Variants in TSPAN18 observed in about 807,000 individuals in gnomAD.
TSPAN18 encodes the protein tetraspanin 18.
A neutral mutation model predicts 27.3 loss-of-function variants in TSPAN18; 14 were observed. That is an observed-to-expected ratio of 0.51 (90% CI 0.34 to 0.80). The LOEUF is 0.80. Ranked by LOEUF, TSPAN18 falls within the 30% of genes least tolerant of loss-of-function variation. The probability of loss-of-function intolerance (pLI) is 0.01; values close to 1 mark genes in which losing one functional copy is unlikely to be tolerated. For synonymous variants in TSPAN18, 143 were observed against 136.5 expected (o/e 1.05, Z -0.33); for missense variants, 268 against 323.9 (o/e 0.83, Z 1.32).
chr11:44,877,847 C>T (rs1021382509), intron 3 of TSPAN18, among the ~76,000 whole-genome samples: 2 of 151,948 alleles, frequency 1.3e-5, no homozygotes, highest in Admixed American at 6.6e-5. Flanking sequence ...GAGGAGACCA[C>T]GGCTTTCTAC....
chr11:44,735,717 T>C (rs10734525), intron 1 of TSPAN18, among the ~76,000 whole-genome samples: 146,506 of 151,922 alleles, frequency 0.96, 70,762 homozygotes, highest in Non-Finnish European at 1. Context: ...CCTGGGTTCA[T>C]ACCATTCTCC....
intron 5 of TSPAN18, chr11:44,917,743 G>C (rs568703855): frequency 3.5e-6 from 2 of 569,778 alleles, no homozygotes; most frequent in Non-Finnish European, 6.2e-6. Context: ...TTGCATGGAA[G>C]GTATATATTT....
At chr11:44,821,874 T>C (rs1398257896) in intron 2 of TSPAN18, among the ~76,000 whole-genome samples, 1 of 152,224 alleles carries the variant, frequency 6.6e-6, no homozygotes, top group African/African-American at 2.4e-5. Context: ...GCTGTGCTCC[T>C]GAAAGGTGGG....
At chr11:44,837,598 A>G (rs938348194) in intron 2 of TSPAN18, among the ~76,000 whole-genome samples, 10 of 152,240 alleles carry the variant, frequency 6.6e-5, no homozygotes, top group African/African-American at 2.2e-4. Flanking sequence ...ATCAAACAGC[A>G]TGATATGCTA....
chr11:44,790,187 G>A (rs1240332079), intron 2 of TSPAN18, among the ~76,000 whole-genome samples: 2 of 151,578 alleles, frequency 1.3e-5, no homozygotes, highest in Non-Finnish European at 2.9e-5. Flanking sequence ...GTGCGCATAT[G>A]TGTGTGTGCA....
At chr11:44,863,187 G>A (rs921163093) in intron 3 of TSPAN18, among the ~76,000 whole-genome samples, 23 of 152,238 alleles carry the variant, frequency 1.5e-4, no homozygotes, top group African/African-American at 5.5e-4. Context: ...TGCAAGGCCT[G>A]TGAGCTGTGC....
chr11:44,868,227 G>C (rs930617288), intron 3 of TSPAN18, among the ~76,000 whole-genome samples: 1 of 152,178 alleles, frequency 6.6e-6, no homozygotes, highest in African/African-American at 2.4e-5. Context: ...GTCACTCTCT[G>C]TCTGAGTGCC....
At position 44,908,804 on chromosome 11, in the gene TSPAN18, A is replaced by AAGGAAGGAAGGAAGGAAGGAAGG. The variant is rs1859585190; in HGVS notation, c.64-900_64-899insGGAAGGAAGGAAGGAAGGAAGGA. Among the ~76,000 whole-genome samples, 9 of 143,582 alleles carry AAGGAAGGAAGGAAGGAAGGAAGG rather than the reference A, an allele frequency of 6.3e-5. 1 individual carries two copies. Among genetic ancestry groups the AAGGAAGGAAGGAAGGAAGGAAGG allele is most frequent in the South Asian group, 2.3e-4 (1 of 4,382 alleles). The allele number at this position is 143,582 out of a possible 152,430, so 94.2% of individuals were successfully genotyped here. On this transcript the variant is annotated intron_variant, in intron 4 of 9. Coordinates refer to ENST00000520358, the MANE Select transcript of TSPAN18 (RefSeq NM_130783.5). ...GAAAGAAAGAAAGAAAGAAAGAAAG[A>AAGGAAGGAAGGAAGGAAGGAAGG]AAGAAAGAAAGAAAGAAAGAAAGAA...
chr11:44,752,611 T>G (rs1279058810), intron 1 of TSPAN18, among the ~76,000 whole-genome samples: 1 of 152,246 alleles, frequency 6.6e-6, no homozygotes, highest in Non-Finnish European at 1.5e-5. Flanking sequence ...CATACATATA[T>G]CTCTATATAA....
intron 2 of TSPAN18, among the ~76,000 whole-genome samples, chr11:44,854,659 G>A (rs1857690003): frequency 6.6e-6 from 1 of 152,180 alleles, no homozygotes; most frequent in Non-Finnish European, 1.5e-5. Flanking sequence ...ATTAGGACTG[G>A]ATTTAATAAC....
chr11:44,879,970 C>T (rs1590621569), intron 3 of TSPAN18, among the ~76,000 whole-genome samples: 1 of 152,266 alleles, frequency 6.6e-6, no homozygotes, highest in East Asian at 1.9e-4. Context: ...TCTCCTCCAA[C>T]TGGACAGTAG....
intron 8 of TSPAN18, among the ~76,000 whole-genome samples, chr11:44,925,989 C>G (rs1860338515): frequency 6.6e-6 from 1 of 152,136 alleles, no homozygotes; most frequent in Admixed American, 6.5e-5. Flanking sequence ...CGATCTCTGT[C>G]TCTGTCTCAG....
At chr11:44,870,874 T>C (rs1858175548) in intron 3 of TSPAN18, among the ~76,000 whole-genome samples, 1 of 152,250 alleles carries the variant, frequency 6.6e-6, no homozygotes, top group Non-Finnish European at 1.5e-5. Flanking sequence ...CTCTGTCTTA[T>C]GTTAATGACT....
At chr11:44,757,881 A>T (rs987375718) in intron 1 of TSPAN18, among the ~76,000 whole-genome samples, 1 of 152,152 alleles carries the variant, frequency 6.6e-6, no homozygotes. Context: ...TTTGTGAGAT[A>T]TATGATTTGC....
At chr11:44,857,517 T>C (rs868075739) in intron 2 of TSPAN18, among the ~76,000 whole-genome samples, 1 of 152,222 alleles carries the variant, frequency 6.6e-6, no homozygotes, top group Non-Finnish European at 1.5e-5. Flanking sequence ...TGTATTCCCC[T>C]GGTTGGAGCA....
chr11:44,820,963 C>A (rs1404653290), intron 2 of TSPAN18, among the ~76,000 whole-genome samples: 1 of 152,166 alleles, frequency 6.6e-6, no homozygotes, highest in South Asian at 2.1e-4. Context: ...CATGCTTGTA[C>A]AGCCTGTAGA....
chr11:44,807,398 C>T (rs1453720763), intron 2 of TSPAN18, among the ~76,000 whole-genome samples: 2 of 110,124 alleles, frequency 1.8e-5, no homozygotes, highest in Non-Finnish European at 4.2e-5. Context: ...TGTGGTGGTG[C>T]GTGCCTGTAG....
At chr11:44,800,814 A>T (rs1258899120) in intron 2 of TSPAN18, among the ~76,000 whole-genome samples, 1 of 152,154 alleles carries the variant, frequency 6.6e-6, no homozygotes, top group Non-Finnish European at 1.5e-5. Flanking sequence ...AATCGGGCTA[A>T]TTGCAAAGCT....
At chr11:44,774,906 C>T (rs1169944700) in intron 2 of TSPAN18, among the ~76,000 whole-genome samples, 1 of 152,204 alleles carries the variant, frequency 6.6e-6, no homozygotes, top group East Asian at 1.9e-4. Context: ...ACCAGAGCCT[C>T]CTTCGTTTCC....
Sources: allele counts gnomAD v4.1 joint callset (sites outside exome capture counted in the v4.1 genomes callset), GRCh38; gene constraint gnomAD v4.1.1; transcripts MANE v1.5; gene names NCBI Gene and HGNC (gene_info 2026-07-23, HGNC 2026-07-21).